The following PLPP4 variants were observed in gnomAD, a reference collection of about 807,000 sequenced individuals.
The protein encoded by PLPP4 is diacylglycerol pyrophosphate like 2.
A neutral mutation model predicts 32.2 loss-of-function variants in PLPP4; 20 were observed. That is an observed-to-expected ratio of 0.62 (90% CI 0.44 to 0.90). PLPP4 has a LOEUF of 0.90. Among genes scored for constraint, PLPP4 ranks in the 40% least tolerant of loss-of-function variants. The pLI is 0.00. For synonymous variants in PLPP4, 127 were observed against 133.0 expected (o/e 0.95, Z 0.31); for missense variants, 257 against 353.1 (o/e 0.73, Z 2.18).
At chr10:120,542,265 C>CTGTGTG (rs1372706202) in intron 5 of PLPP4, among the ~76,000 whole-genome samples, 6 of 152,212 alleles carry the variant, frequency 3.9e-5, no homozygotes, top group Non-Finnish European at 7.3e-5. Context: ...CCAGCATGGG[C>CTGTGTG]TCAGATGCAA....
chr10:120,466,808 T>A (rs1848343741), intron 1 of PLPP4, among the ~76,000 whole-genome samples: 1 of 152,196 alleles, frequency 6.6e-6, no homozygotes, highest in Non-Finnish European at 1.5e-5. Context: ...TGATGTAAGC[T>A]GTGCCAGGTA....
At chr10:120,531,252 C>T (rs528382538) in intron 5 of PLPP4, among the ~76,000 whole-genome samples, 13 of 151,892 alleles carry the variant, frequency 8.6e-5, no homozygotes, top group East Asian at 1.9e-4. Flanking sequence ...ACTACAGGCA[C>T]GTGCCACCAC....
chr10:120,480,818 G>C (rs1294351345), intron 1 of PLPP4, among the ~76,000 whole-genome samples: 1 of 152,128 alleles, frequency 6.6e-6, no homozygotes, highest in African/African-American at 2.4e-5. Context: ...TTTCCCCACT[G>C]TCCTCTGCTC....
At chr10:120,557,888 C>T (rs541798472) in intron 5 of PLPP4, among the ~76,000 whole-genome samples, 1 of 152,268 alleles carries the variant, frequency 6.6e-6, no homozygotes, top group East Asian at 1.9e-4. Flanking sequence ...GCTCTTTCTG[C>T]ATTTGCTCTG....
chr10:120,538,694 A>C (rs1481905310), intron 5 of PLPP4, among the ~76,000 whole-genome samples: 3 of 152,022 alleles, frequency 2.0e-5, no homozygotes, highest in Non-Finnish European at 4.4e-5. Context: ...TATACATTAC[A>C]TTCTAGCCAC....
chr10:120,480,763 C>T (rs1486424669), intron 1 of PLPP4, among the ~76,000 whole-genome samples: 1 of 152,210 alleles, frequency 6.6e-6, no homozygotes, highest in Non-Finnish European at 1.5e-5. Flanking sequence ...CTGCCCCCAA[C>T]ACTGCTCCTG....
intron 5 of PLPP4, among the ~76,000 whole-genome samples, chr10:120,533,263 CTA>C (rs1370882471): frequency 2.0e-5 from 3 of 152,156 alleles, no homozygotes; most frequent in Non-Finnish European, 4.4e-5. Context: ...TCCCTAATGA[CTA>C]ATGAGGTTGA....
chr10:120,588,182 T>C (rs1849847468), intron 6 of PLPP4, among the ~76,000 whole-genome samples: 2 of 152,240 alleles, frequency 1.3e-5, no homozygotes, highest in Admixed American at 6.5e-5. Context: ...TGGACTAGAA[T>C]CTTTTCAGCA....
At chr10:120,558,852 C>A (rs546382044) in intron 5 of PLPP4, among the ~76,000 whole-genome samples, 26 of 152,290 alleles carry the variant, frequency 1.7e-4, no homozygotes, top group African/African-American at 6.0e-4. Flanking sequence ...AGCATGAATT[C>A]TTTTTGTGCT....
intron 6 of PLPP4, among the ~76,000 whole-genome samples, chr10:120,582,125 A>C (rs1849539439): frequency 6.6e-6 from 1 of 152,210 alleles, no homozygotes; most frequent in Admixed American, 6.5e-5. Flanking sequence ...TACTTGTATC[A>C]GGGTCCTACG....
intron 1 of PLPP4, among the ~76,000 whole-genome samples, chr10:120,479,956 C>G (rs1235515966): frequency 6.6e-6 from 1 of 152,216 alleles, no homozygotes; most frequent in African/African-American, 2.4e-5. Flanking sequence ...GGTATGCTCT[C>G]TAAAGCAAGT....
intron 6 of PLPP4, among the ~76,000 whole-genome samples, chr10:120,576,498 T>C (rs1320511384): frequency 6.6e-6 from 1 of 152,212 alleles, no homozygotes; most frequent in Non-Finnish European, 1.5e-5. Context: ...GGAGACCTTG[T>C]GCTCCTTCTA....
chr10:120,524,438 T>C lies in PLPP4; in HGVS notation c.445+3343T>C, dbSNP rs1487629346. On this transcript the variant is annotated intron_variant, in intron 5 of 6. Transcript: ENST00000398250. ...TCTGGACTGAGGGATCTCCTAAGAC[T>C]AATTCTCCATGCTAGGTAGACATGG... Among the ~76,000 whole-genome samples, 4 of 152,230 alleles carry C rather than the reference T, an allele frequency of 2.6e-5. No individual in the cohort carries two copies. In the East Asian group the frequency reaches 7.7e-4, roughly 29 times the overall value.
chr10:120,465,220 G>T (rs904844973), intron 1 of PLPP4, among the ~76,000 whole-genome samples: 1 of 152,184 alleles, frequency 6.6e-6, no homozygotes, highest in Non-Finnish European at 1.5e-5. Flanking sequence ...GGATGAATTA[G>T]AAACACTGTT....
At chr10:120,484,715 A>G (rs907408028) in intron 1 of PLPP4, among the ~76,000 whole-genome samples, 7 of 152,210 alleles carry the variant, frequency 4.6e-5, no homozygotes, top group African/African-American at 1.4e-4. Flanking sequence ...GACACATTCG[A>G]ACCATAAAAA....
rs183768694 is a variant in PLPP4 at position 120,554,375 on chromosome 10, A to G, written c.446-20756A>G. ...CCTGGACTTTATTATCCATATAACT[A>G]TCAGCATTTTGGTCACAACAATTTA... On this transcript the variant is annotated intron_variant, in intron 5 of 6. Coordinates refer to ENST00000398250, the MANE Select transcript of PLPP4 (RefSeq NM_001030059.3). Among the ~76,000 whole-genome samples, 107 of 152,274 alleles carry G rather than the reference A, an allele frequency of 7.0e-4. 2 individuals are homozygous for G. Among genetic ancestry groups the G allele is most frequent in the Non-Finnish European group, 4.0e-4 (27 of 68,018 alleles).
At position 120,586,198 on chromosome 10, in the gene PLPP4, G is replaced by T. The variant is rs566122579; in HGVS notation, c.617-3105G>T. Among the ~76,000 whole-genome samples, 4 of 149,100 alleles carry T rather than the reference G, an allele frequency of 2.7e-5. No individual in the cohort carries two copies. The South Asian group carries it at 8.5e-4, about 32-fold the overall frequency. On this transcript the variant is annotated intron_variant, in intron 6 of 6. Transcript: ENST00000398250. ...TGCCTGGGCTGGAGCGCAGTGGTAC[G>T]ATCTTGGCTCACTGCAACCTCCACC...
At chr10:120,520,892 G>T in intron 4 of PLPP4, 79 bp from the exon 5 acceptor site, 4 of 1,555,964 alleles carry the variant, frequency 2.6e-6, no homozygotes, top group Non-Finnish European at 3.5e-6. Flanking sequence ...TGGGGGCAGT[G>T]GGGAGTTGGG....
intron 2 of PLPP4, among the ~76,000 whole-genome samples, chr10:120,509,143 C>G (rs578239572): frequency 6.6e-6 from 1 of 152,336 alleles, no homozygotes; most frequent in Admixed American, 6.5e-5. Context: ...ATGGGGGTGA[C>G]AGACCTTTGG....
Sources: gnomAD v4.1 joint callset for allele counts (sites outside exome capture counted in the v4.1 genomes callset) on GRCh38, gnomAD v4.1.1 for gene constraint, MANE v1.5 for transcripts, NCBI Gene and HGNC (gene_info 2026-07-23, HGNC 2026-07-21) for gene names.